Variants in SLC35F1 observed in about 807,000 individuals in gnomAD.
SLC35F1 encodes chromosome 6 open reading frame 169.
Under a neutral mutation model 48.7 loss-of-function variants are expected in SLC35F1, and 14 were observed. The observed-to-expected ratio is 0.29, with a 90% confidence interval of 0.19 to 0.45. The LOEUF (loss-of-function observed/expected upper bound fraction) is 0.45. SLC35F1 is among the 20% of genes least tolerant of loss of function. The pLI, the probability that SLC35F1 is intolerant of heterozygous loss-of-function variation, is 1.00. For synonymous variants in SLC35F1, 190 were observed against 202.2 expected, an observed-to-expected ratio of 0.94 and a Z score of 0.51; for missense variants, 404 against 500.0, an observed-to-expected ratio of 0.81 and a Z score of 1.83.
At chr6:118,146,244 G>A (rs1773971720) in intron 1 of SLC35F1, among the ~76,000 whole-genome samples, 1 of 152,146 alleles carries the variant, frequency 6.6e-6, no homozygotes, top group Admixed American at 6.5e-5. Context: ...CTAATGGAAT[G>A]AGCAGATAAA....
chr6:118,019,609 A>G (rs4645453), intron 1 of SLC35F1, among the ~76,000 whole-genome samples: 151,284 of 152,152 alleles, frequency 0.99, 75,218 homozygotes, highest in Middle Eastern at 1. Context: ...GTGACAGAGC[A>G]AGACTTCGTC....
chr6:118,167,997 G>A (rs566559030), intron 2 of SLC35F1, among the ~76,000 whole-genome samples: 15 of 152,118 alleles, frequency 9.9e-5, no homozygotes, highest in African/African-American at 2.2e-4. Flanking sequence ...CATTATAACC[G>A]CTAGAATCAA....
intron 2 of SLC35F1, among the ~76,000 whole-genome samples, chr6:118,222,702 T>A (rs989416568): frequency 1.3e-5 from 2 of 152,186 alleles, no homozygotes; most frequent in Admixed American, 6.5e-5. Flanking sequence ...CTGGTGGTGA[T>A]TGTTGTTGTT....
chr6:118,182,484 C>T (rs536309613), intron 2 of SLC35F1, among the ~76,000 whole-genome samples: 56 of 120,246 alleles, frequency 4.7e-4, no homozygotes, highest in African/African-American at 1.5e-3. Context: ...AGAGTGAGAC[C>T]CTGTCAAAAA....
At chr6:118,085,477 T>G (rs922056793) in intron 1 of SLC35F1, among the ~76,000 whole-genome samples, 2 of 147,794 alleles carry the variant, frequency 1.4e-5, no homozygotes, top group African/African-American at 5.0e-5. Context: ...TCTTTTTTTT[T>G]CTTTCTTTCC....
chr6:118,005,045 T>A (rs1048275670), intron 1 of SLC35F1, among the ~76,000 whole-genome samples: 3 of 152,116 alleles, frequency 2.0e-5, no homozygotes, highest in African/African-American at 7.2e-5. Flanking sequence ...AAGGAAAAGG[T>A]TATCTCAGTT....
chr6:118,235,695 G>C (rs1368158802), intron 3 of SLC35F1, 59 bp downstream of exon 3: 11 of 1,568,178 alleles, frequency 7.0e-6, no homozygotes, highest in Non-Finnish European at 9.5e-6. Context: ...TTTACTTTCA[G>C]TTTAGTCCTT....
chr6:118,181,227 T>C (rs1271250837), intron 2 of SLC35F1, among the ~76,000 whole-genome samples: 2 of 152,118 alleles, frequency 1.3e-5, no homozygotes, highest in Non-Finnish European at 2.9e-5. Context: ...GGCAAATCTA[T>C]ACAAATATTA....
intron 3 of SLC35F1, among the ~76,000 whole-genome samples, chr6:118,252,810 T>C (rs1332403319): frequency 1.3e-5 from 2 of 152,122 alleles, no homozygotes; most frequent in Non-Finnish European, 2.9e-5. Context: ...GAATGTAGTA[T>C]GTCCTGGAAG....
Position 118,154,298 on chromosome 6 carries a change from G to C in SLC35F1, c.174-147G>C, listed in dbSNP as rs997929273. ...TCTCAGTAATCATTGCACCTTCCTC[G>C]AGGGATTGCTTTGATGGACTAAAGG... On this transcript the variant is annotated intron_variant, in intron 1 of 7. Transcript: ENST00000360388. The C allele has an allele frequency of 7.8e-6, 5 of 636,954 alleles. 1 individual carries two copies. The South Asian group carries it at 1.5e-4, about 19-fold the overall frequency. 39.5% of individuals were successfully genotyped at this position (636,954 alleles called of 1,614,324 possible).
At chr6:118,061,855 C>A (rs188095376) in intron 1 of SLC35F1, among the ~76,000 whole-genome samples, 18 of 152,138 alleles carry the variant, frequency 1.2e-4, no homozygotes, top group African/African-American at 4.1e-4. Flanking sequence ...ACAATAGAGT[C>A]TGCACTCCTA....
At chr6:118,087,037 G>T (rs1169540521) in intron 1 of SLC35F1, among the ~76,000 whole-genome samples, 9 of 152,132 alleles carry the variant, frequency 5.9e-5, no homozygotes, top group Non-Finnish European at 1.3e-4. Context: ...GGACCCTAAG[G>T]TGCTGGGGCC....
At chr6:118,187,038 A>G (rs73766456) in intron 2 of SLC35F1, among the ~76,000 whole-genome samples, 3,655 of 152,232 alleles carry the variant, frequency 0.024, 158 homozygotes, top group African/African-American at 0.083. Context: ...ATCTCATTCT[A>G]TCTCTCTGGA....
intron 1 of SLC35F1, among the ~76,000 whole-genome samples, chr6:118,079,747 C>T (rs1772877385): frequency 6.6e-6 from 1 of 152,130 alleles, no homozygotes; most frequent in Non-Finnish European, 1.5e-5. Flanking sequence ...GTTCTGTGGA[C>T]AAATGAAAAA....
chr6:118,271,575 C>G (rs1775852681), intron 4 of SLC35F1, among the ~76,000 whole-genome samples: 1 of 152,138 alleles, frequency 6.6e-6, no homozygotes, highest in Non-Finnish European at 1.5e-5. Flanking sequence ...TTTCAACACT[C>G]TAGAATAATA....
At chr6:118,048,465 C>G (rs111768758) in intron 1 of SLC35F1, among the ~76,000 whole-genome samples, 2,210 of 152,180 alleles carry the variant, frequency 0.015, 62 homozygotes, top group African/African-American at 0.05. Context: ...TAGAAAACCC[C>G]ATTGTCTCAG....
intron 3 of SLC35F1, among the ~76,000 whole-genome samples, chr6:118,238,426 A>AAATAATAATAATAAT (rs67710305): frequency 7.3e-4 from 106 of 144,484 alleles, no homozygotes; most frequent in East Asian, 2.0e-3. Context: ...CCCATCTCTA[A>AAATAATAATAATAAT]AATAATAATA....
At chr6:117,951,488 G>A (rs1417301755) in intron 1 of SLC35F1, among the ~76,000 whole-genome samples, 1 of 152,208 alleles carries the variant, frequency 6.6e-6, no homozygotes, top group Non-Finnish European at 1.5e-5. Flanking sequence ...GTAGAATTGA[G>A]TGATGTGGGG....
chr6:118,158,612 G>A (rs1000843851), intron 2 of SLC35F1, among the ~76,000 whole-genome samples: 1 of 152,278 alleles, frequency 6.6e-6, no homozygotes, highest in South Asian at 2.1e-4. Flanking sequence ...CTAAATGCAA[G>A]AAACCTTTCA....
Sources: allele counts gnomAD v4.1 joint callset (sites outside exome capture counted in the v4.1 genomes callset), GRCh38; gene constraint gnomAD v4.1.1; transcripts MANE v1.5; gene names NCBI Gene and HGNC (gene_info 2026-07-23, HGNC 2026-07-21).